Variants in CHAF1B observed in about 807,000 individuals in gnomAD.
CHAF1B encodes chromatin assembly factor 1 subunit B, also known as CAF-1 subunit B.
Under a neutral mutation model 60.7 loss-of-function variants are expected in CHAF1B, and 10 were observed. That is an observed-to-expected ratio of 0.16 (90% CI 0.10 to 0.28). CHAF1B has a LOEUF of 0.28. CHAF1B is among the 10% of genes least tolerant of loss of function. The pLI is 1.00. For missense variants in CHAF1B, 558 were observed against 708.4 expected (o/e 0.79, Z 2.41); for synonymous variants, 261 against 266.1 (o/e 0.98, Z 0.19).
chr21:36,387,980 G>A (rs1231104251), intron 3 of CHAF1B, among the ~76,000 whole-genome samples: 3 of 152,006 alleles, frequency 2.0e-5, no homozygotes, highest in African/African-American at 2.4e-5. Context: ...CACCACGCCC[G>A]GCTAGTTTTT....
intron 11 of CHAF1B, 94 bp from the exon 12 acceptor site, chr21:36,412,789 CA>C: frequency 8.1e-7 from 1 of 1,231,372 alleles, no homozygotes; most frequent in South Asian, 1.5e-5. Flanking sequence ...TTTTTGCCTT[CA>C]AACAAGCTTG....
At chr21:36,399,894 G>A (rs543683331) in intron 7 of CHAF1B, among the ~76,000 whole-genome samples, 98 of 152,110 alleles carry the variant, frequency 6.4e-4, no homozygotes, top group African/African-American at 2.1e-3. Flanking sequence ...AAATATGGGT[G>A]CTGGCCGGGC....
chr21:36,387,662 G>A lies in CHAF1B; in HGVS notation c.191G>A (p.Arg64His). Reference protein sequence around the residue: ...AIVEFLSNLARHTKAVNVVRF... With the variant: ...AIVEFLSNLAHHTKAVNVVRF... ...GTGGAATTTTTGTCCAATCTTGCTC[G>A]TCATACCAAAGCCGTCAATGTTGTG... The change falls in exon 3 of 14, where the codon CGT becomes CAT. Residue 64 changes from arginine (R) to histidine (H), a missense_variant. Arg to His is a conservative substitution (Grantham distance 29). Transcript: ENST00000314103. 4 of 1,614,154 alleles carry A rather than the reference G, an allele frequency of 2.5e-6. No individual in the cohort carries two copies. Among genetic ancestry groups the A allele is most frequent in the Non-Finnish European group, 3.4e-6 (4 of 1,180,012 alleles).
chr21:36,412,485 G>A (rs57197480), intron 11 of CHAF1B, among the ~76,000 whole-genome samples: 1 of 151,860 alleles, frequency 6.6e-6, no homozygotes, highest in African/African-American at 2.4e-5. Flanking sequence ...TCAGCCTCCC[G>A]AATAGCTGGG....
chr21:36,397,682 G>T, intron 6 of CHAF1B, 171 bp downstream of exon 6: 2 of 359,252 alleles, frequency 5.6e-6, no homozygotes, highest in Non-Finnish European at 1.0e-5. Flanking sequence ...AAATTAATTA[G>T]GACAAGTGCC....
chr21:36,398,559 C>T (rs926712506), intron 6 of CHAF1B, among the ~76,000 whole-genome samples: 11 of 152,214 alleles, frequency 7.2e-5, no homozygotes, highest in Admixed American at 3.9e-4. Context: ...AGAGTTTCAC[C>T]GTATTGACGA....
Position 36,417,036 on chromosome 21 carries a change from G to GT in CHAF1B, c.*672dup, listed in dbSNP as rs2086324881. ...CATATGCAATTTGGTATCTAAATAG[G>GT]TTAGTTTTTTAGATTGGTTTTTCAA... On this transcript the variant is annotated 3_prime_UTR_variant, in exon 14 of 14. Transcript: ENST00000314103. 6.6e-6 allele frequency: 1 copy of GT among 152,088 alleles called. No individual in the cohort carries two copies. The highest frequency in any genetic ancestry group is 1.9e-4 in the East Asian group (1 of 5,194). The allele number at this position is 152,088 out of a possible 1,614,324, so 9.4% of individuals were successfully genotyped here.
chr21:36,400,127 C>T (rs1437674229), intron 7 of CHAF1B, among the ~76,000 whole-genome samples: 3 of 151,610 alleles, frequency 2.0e-5, no homozygotes, highest in Non-Finnish European at 2.9e-5. Context: ...TAGCCGTGAG[C>T]GGAGATCATG....
At chr21:36,390,226 G>A (rs769676631) in intron 3 of CHAF1B, among the ~76,000 whole-genome samples, 3 of 151,610 alleles carry the variant, frequency 2.0e-5, no homozygotes, top group Non-Finnish European at 2.9e-5. Context: ...CCAGCTATTC[G>A]GGAGGCTGAG....
chr21:36,399,676 A>G (rs1336885037), intron 7 of CHAF1B, 71 bp downstream of exon 7: 2 of 1,230,148 alleles, frequency 1.6e-6, no homozygotes, highest in Admixed American at 1.8e-5. Context: ...AGCTCCTCCC[A>G]TACCCTTGCA....
chr21:36,413,308 A>G lies in CHAF1B; in HGVS notation c.1486A>G (p.Thr496Ala). The G allele has an allele frequency of 6.4e-7, 1 of 1,569,244 alleles. No individual in the cohort carries two copies. The highest frequency in any genetic ancestry group is 8.6e-7 in the Non-Finnish European group (1 of 1,160,168). ...CACACTGCAAGCCTGGAGCAAGACAACACCCCGGTAAGAACTTGTTGGAAC... is the reference window on the plus strand; with the variant it reads ...CACACTGCAAGCCTGGAGCAAGACAGCACCCCGGTAAGAACTTGTTGGAAC... ...LNTLQAWSKTTPRRINLTPLK... is the reference protein window; with the variant it reads ...LNTLQAWSKTAPRRINLTPLK... Residue 496 changes from threonine (T) to alanine (A), a missense_variant, in exon 12 of 14, where the codon ACA becomes GCA. Around this residue, in one of 2 missense-constraint regions of CHAF1B, gnomAD observed 233 missense variants for 214.9 expected, o/e 1.08. Transcript: ENST00000314103.
At chr21:36,409,293 G>A (rs1040434332) in intron 9 of CHAF1B, 81 bp from the exon 10 acceptor site, 11 of 1,083,926 alleles carry the variant, frequency 1.0e-5, no homozygotes, top group East Asian at 4.9e-5. Flanking sequence ...GAGCCACCGC[G>A]CCCTGCCAAA....
chr21:36,411,992 T>G, intron 11 of CHAF1B, among the ~76,000 whole-genome samples: 1 of 152,108 alleles, frequency 6.6e-6, no homozygotes, highest in East Asian at 1.9e-4. Context: ...CCTCCCAAAG[T>G]GCTGGGATTA....
chr21:36,410,496 A>AT, intron 10 of CHAF1B, among the ~76,000 whole-genome samples: 1 of 150,840 alleles, frequency 6.6e-6, no homozygotes, highest in Non-Finnish European at 1.5e-5. Context: ...CCAGTGTTTG[A>AT]TTTTGGAAGT....
chr21:36,415,816 G>A lies in CHAF1B; in HGVS notation c.1588+427G>A, dbSNP rs941214808. ...CGCCCAGGCTGGAATGCAGTGGCAC[G>A]ATTTCGGCTCACTGCAGCCTCCACC... On this transcript the variant is annotated intron_variant, in intron 13 of 13. Transcript: ENST00000314103. The A allele has an allele frequency of 1.3e-5, 5 of 387,250 alleles. No homozygotes were observed. The Admixed American group carries it at 1.4e-4, about 11-fold the overall frequency. 24.0% of individuals were successfully genotyped at this position (387,250 alleles called of 1,614,324 possible).
In CHAF1B at chr21:36,394,598, A is replaced by G. The variant is rs369456414; in HGVS notation, c.429A>G (p.Leu143=). ...YDICWATDGN[L]MASASVDNTA... ...TTTGCTGGGCAACTGATGGGAATTT[A>G]ATGGCTTCTGCCTCTGTGGATAACA... Residue 143 remains leucine (L), a synonymous_variant, in exon 5 of 14, where the codon TTA becomes TTG. Coordinates refer to ENST00000314103, the MANE Select transcript of CHAF1B (RefSeq NM_005441.3). 16 of 1,613,806 alleles carry G rather than the reference A, an allele frequency of 9.9e-6. No individual in the cohort carries two copies. The highest frequency in any genetic ancestry group is 1.7e-5 in the Admixed American group (1 of 59,980).
chr21:36,387,866 T>G (rs1286479326), intron 3 of CHAF1B, 136 bp downstream of exon 3: 4 of 1,082,708 alleles, frequency 3.7e-6, no homozygotes, highest in East Asian at 2.4e-5. Context: ...TTCCCCAGGC[T>G]GGAGTGCAGT....
intron 13 of CHAF1B, 145 bp from the exon 14 acceptor site, chr21:36,416,130 C>G (rs771214493): frequency 7.4e-6 from 5 of 674,802 alleles, no homozygotes; most frequent in Non-Finnish European, 1.2e-5. Context: ...GGTTGAGAGC[C>G]ACTCTATAGA....
chr21:36,413,124 C>G lies in CHAF1B; in HGVS notation c.1302C>G (p.Pro434=), dbSNP rs142952612. 3.7e-6 allele frequency: 6 copies of G among 1,614,080 alleles called. No individual in the cohort carries two copies. The highest frequency in any genetic ancestry group is 2.2e-5 in the South Asian group (2 of 91,070). The change falls in exon 12 of 14, where the codon CCC becomes CCG. Residue 434 remains proline, a synonymous_variant. Coordinates refer to ENST00000314103, the MANE Select transcript of CHAF1B (RefSeq NM_005441.3). ...TQDPSSPGTT[P]PQARQAPAPT... is the part of the protein sequence containing the mutation. The stretch of plus-strand genomic sequence containing the variant: ...ACCCCAGCAGCCCCGGCACGACTCC[C>G]CCTCAGGCCAGACAGGCCCCAGCCC...
Sources: allele counts gnomAD v4.1 joint callset (sites outside exome capture counted in the v4.1 genomes callset), GRCh38; gene constraint gnomAD v4.1.1; regional missense constraint gnomAD v4.1.1; transcripts MANE v1.5; gene names NCBI Gene and HGNC (gene_info 2026-07-23, HGNC 2026-07-21).